The following TNIP3 variants were observed in gnomAD, a reference collection of about 807,000 sequenced individuals.
The protein encoded by TNIP3 is TNFAIP3 interacting protein 3.
TNIP3 carries 34 observed loss-of-function variants against 54.1 expected under a neutral mutation model. The ratio of observed to expected loss-of-function variants is 0.63; its 90% CI spans 0.48 to 0.84. TNIP3 has a LOEUF of 0.84. TNIP3 is among the 40% of genes least tolerant of loss of function. The pLI is 0.00. For missense variants in TNIP3, 366 were observed against 387.6 expected (o/e 0.94, Z 0.47); for synonymous variants, 134 against 136.8 (o/e 0.98, Z 0.14).
chr4:121,141,412 G>A (rs996458672), intron 9 of TNIP3, among the ~76,000 whole-genome samples: 2 of 152,192 alleles, frequency 1.3e-5, no homozygotes, highest in Non-Finnish European at 2.9e-5. Flanking sequence ...TTGCACATAT[G>A]TAGCAATATC....
chr4:121,198,709 T>A (rs925073553), intron 2 of TNIP3, among the ~76,000 whole-genome samples: 8 of 152,230 alleles, frequency 5.3e-5, no homozygotes, highest in Non-Finnish European at 1.2e-4. Flanking sequence ...CCAACTCAAC[T>A]GATCAAGAAG....
At chr4:121,156,722 A>G (rs1039325949) in intron 4 of TNIP3, among the ~76,000 whole-genome samples, 2 of 152,180 alleles carry the variant, frequency 1.3e-5, no homozygotes, top group Admixed American at 6.5e-5. Context: ...ATTATTATGA[A>G]CACTACTAAT....
chr4:121,226,405 A>G (rs1387283462), intron 1 of TNIP3, among the ~76,000 whole-genome samples: 4 of 152,258 alleles, frequency 2.6e-5, no homozygotes, highest in Non-Finnish European at 5.9e-5. Context: ...ATCTGAAAAT[A>G]GTTTGTTAAC....
chr4:121,208,041 G>A (rs1198977678), intron 2 of TNIP3, among the ~76,000 whole-genome samples: 5 of 151,920 alleles, frequency 3.3e-5, no homozygotes, highest in African/African-American at 7.3e-5. Flanking sequence ...TTTCTCTTGC[G>A]GCCGCCATGA....
intron 10 of TNIP3, among the ~76,000 whole-genome samples, chr4:121,133,355 A>G (rs1026656794): frequency 6.6e-6 from 1 of 152,210 alleles, no homozygotes; most frequent in African/African-American, 2.4e-5. Context: ...GGTAACAGAA[A>G]AAGCAAATAG....
intron 2 of TNIP3, among the ~76,000 whole-genome samples, chr4:121,191,297 C>T (rs1309470998): frequency 6.6e-6 from 1 of 152,178 alleles, no homozygotes; most frequent in Non-Finnish European, 1.5e-5. Context: ...CTTGATCTAA[C>T]ATTTGTATCA....
intron 6 of TNIP3, among the ~76,000 whole-genome samples, chr4:121,149,092 A>G (rs1323331188): frequency 6.6e-6 from 1 of 152,224 alleles, no homozygotes; most frequent in Non-Finnish European, 1.5e-5. Context: ...CCCCTCAGCT[A>G]AGTGAATTTC....
At chr4:121,173,185 A>G (rs1724075876) in intron 3 of TNIP3, among the ~76,000 whole-genome samples, 1 of 152,206 alleles carries the variant, frequency 6.6e-6, no homozygotes, top group Non-Finnish European at 1.5e-5. Context: ...AGGAGACATC[A>G]TTTACCAATG....
At chr4:121,165,005 G>A (rs1034447341), upstream of TNIP3, among the ~76,000 whole-genome samples, 6 of 151,948 alleles carry the variant, frequency 3.9e-5, no homozygotes, top group Admixed American at 3.9e-4. Context: ...GATACTTGGA[G>A]CTGCATAAGT....
intron 9 of TNIP3, among the ~76,000 whole-genome samples, chr4:121,140,216 C>A (rs1729033691): frequency 6.6e-6 from 1 of 152,114 alleles, no homozygotes; most frequent in African/African-American, 2.4e-5. Context: ...TGCCTGTAGT[C>A]CCAGCCAGTC....
At chr4:121,148,585 C>T (rs752676065) in intron 6 of TNIP3, among the ~76,000 whole-genome samples, 2 of 152,186 alleles carry the variant, frequency 1.3e-5, no homozygotes, top group Non-Finnish European at 2.9e-5. Flanking sequence ...AGCTTTAAGA[C>T]TGTGCATATT....
At chr4:121,188,550 A>C (rs1214381835) in intron 2 of TNIP3, among the ~76,000 whole-genome samples, 1 of 152,210 alleles carries the variant, frequency 6.6e-6, no homozygotes, top group African/African-American at 2.4e-5. Context: ...GTCATTGTTT[A>C]ATGAGCTCAT....
chr4:121,143,497 G>A (rs1438726702), intron 7 of TNIP3, among the ~76,000 whole-genome samples: 1 of 152,146 alleles, frequency 6.6e-6, no homozygotes, highest in Non-Finnish European at 1.5e-5. Context: ...CCACTTATCA[G>A]AATTATTCTG....
Position 121,164,207 on chromosome 4 carries a change from C to T in TNIP3, c.-82G>A. The T allele has an allele frequency of 1.3e-6, 2 of 1,593,738 alleles. No homozygotes were observed. Among genetic ancestry groups the T allele is most frequent in the Non-Finnish European group, 1.7e-6 (2 of 1,172,064 alleles). ...CTTAAGGTATATTTTAGGGTGAGAGCAAGTATACAAAATTTAAAAAACACA... is the reference window on the plus strand; with the variant it reads ...CTTAAGGTATATTTTAGGGTGAGAGTAAGTATACAAAATTTAAAAAACACA... On this transcript the variant is annotated 5_prime_UTR_variant, in exon 1 of 11. Coordinates refer to ENST00000057513, the MANE Select transcript of TNIP3 (RefSeq NM_024873.6).
intron 4 of TNIP3, among the ~76,000 whole-genome samples, chr4:121,155,269 G>A (rs1228108342): frequency 6.6e-6 from 1 of 152,040 alleles, no homozygotes; most frequent in Admixed American, 6.6e-5. Flanking sequence ...AGACAAATGG[G>A]TCTGCAGGAT....
In TNIP3 at chr4:121,138,672, A is replaced by G; in HGVS notation, c.898T>C (p.Trp300Arg). Reference sequence around the variant, plus strand: ...GGCGGAAGCTGGTCAAGAGCATACCACTGATAGTCTGGCTGTGTGGAACAA... The same window carrying G: ...GGCGGAAGCTGGTCAAGAGCATACCGCTGATAGTCTGGCTGTGTGGAACAA... ...KQREHPPDYQ[W>R]YALDQLPPDV... Residue 300 changes from tryptophan to arginine, a missense_variant, in exon 10 of 11, where the codon TGG becomes CGG. Transcript: ENST00000057513. 1.2e-6 allele frequency: 2 copies of G among 1,613,944 alleles called. No homozygotes were observed. The highest frequency in any genetic ancestry group is 1.7e-4 in the Middle Eastern group (1 of 6,056).
intron 3 of TNIP3, among the ~76,000 whole-genome samples, chr4:121,157,455 A>G (rs1730187382): frequency 6.6e-6 from 1 of 152,010 alleles, no homozygotes; most frequent in Non-Finnish European, 1.5e-5. Flanking sequence ...TCTTTTCTCC[A>G]AACCACCCAG....
At position 121,157,062 on chromosome 4, in the gene TNIP3, C is replaced by T. The variant is rs746804766; in HGVS notation, c.363+32G>A. On this transcript the variant is annotated intron_variant, in intron 4 of 10. Coordinates refer to ENST00000057513, the MANE Select transcript of TNIP3 (RefSeq NM_024873.6). ...CCCGCCCCTTTGCTTTTATTTGGAT[C>T]CTCCGGGCTCGAGGACCCGGGCCCC... The T allele has an allele frequency of 1.9e-6, 3 of 1,611,452 alleles. No homozygotes were observed. In the South Asian group the frequency reaches 3.3e-5, roughly 18 times the overall value.
chr4:121,163,732 A>T (rs1304191126), intron 1 of TNIP3, among the ~76,000 whole-genome samples: 1 of 152,144 alleles, frequency 6.6e-6, no homozygotes, highest in African/African-American at 2.4e-5. Context: ...TACTACAGAT[A>T]CTCTATTGTT....
Sources: gnomAD v4.1 joint callset for allele counts (sites outside exome capture counted in the v4.1 genomes callset) on GRCh38, gnomAD v4.1.1 for gene constraint, MANE v1.5 for transcripts, NCBI Gene and HGNC (gene_info 2026-07-23, HGNC 2026-07-21) for gene names.